TCF12: variants seen among roughly 807,000 people sequenced by gnomAD.
TCF12 encodes the protein DNA-binding protein HTF4.
TCF12 carries 45 observed loss-of-function variants against 86.0 expected under a neutral mutation model. The observed-to-expected ratio is 0.52, with a 90% CI of 0.41 to 0.67. The LOEUF (loss-of-function observed/expected upper bound fraction) is 0.67, where lower values mean the gene tolerates loss of function less well. TCF12 is among the 30% of genes least tolerant of loss of function. The pLI, the probability that TCF12 is intolerant of heterozygous loss-of-function variation, is 0.00. For missense variants in TCF12, 881 were observed against 859.9 expected, an observed-to-expected ratio of 1.02 and a Z score of -0.31; for synonymous variants, 330 against 299.6, an observed-to-expected ratio of 1.10 and a Z score of -1.05.
At chr15:57,077,325 ATATGTGTGTGTGTGTGTG>A (rs72159586) in intron 4 of TCF12, among the ~76,000 whole-genome samples, 44,064 of 126,984 alleles carry the variant, frequency 0.35, 10,937 homozygotes, top group East Asian at 0.59. Context: ...ATATGTATAT[ATATGTGTGTGTGTGTGTG>A]TGTGTGTGTG....
At chr15:57,257,794 C>A (rs1045640901) in intron 16 of TCF12, among the ~76,000 whole-genome samples, 1 of 151,810 alleles carries the variant, frequency 6.6e-6, no homozygotes, top group South Asian at 2.1e-4. Flanking sequence ...GACACAGTAA[C>A]CATTTGGCTG....
chr15:57,282,147 A>G (rs2061719243), intron 19 of TCF12: 1 of 399,348 alleles, frequency 2.5e-6, no homozygotes, highest in Admixed American at 4.2e-5. Flanking sequence ...TGGTAGCCTA[A>G]TAACAACAGC....
At chr15:56,978,095 C>T (rs912187916) in intron 3 of TCF12, among the ~76,000 whole-genome samples, 6 of 152,164 alleles carry the variant, frequency 3.9e-5, no homozygotes, top group Admixed American at 1.3e-4. Context: ...AAAAAGCATG[C>T]ATTTGTCTGT....
At chr15:57,083,481 T>C (rs2048439866) in intron 4 of TCF12, among the ~76,000 whole-genome samples, 1 of 152,106 alleles carries the variant, frequency 6.6e-6, no homozygotes, top group Non-Finnish European at 1.5e-5. Context: ...AATAAACGAC[T>C]GTTTTAGGAA....
At chr15:57,032,546 A>G (rs55886927) in intron 3 of TCF12, among the ~76,000 whole-genome samples, 33,998 of 152,162 alleles carry the variant, frequency 0.22, 3,910 homozygotes, top group Non-Finnish European at 0.24. Context: ...CTCCTGCCTC[A>G]GCCTCCAGAG....
At chr15:57,267,988 A>G (rs1463230776) in intron 18 of TCF12, among the ~76,000 whole-genome samples, 3 of 152,176 alleles carry the variant, frequency 2.0e-5, no homozygotes, top group South Asian at 2.1e-4. Flanking sequence ...TAAAGATACT[A>G]TATCTACTGT....
At chr15:57,092,434 G>A (rs1404356704) in intron 5 of TCF12, among the ~76,000 whole-genome samples, 1 of 152,100 alleles carries the variant, frequency 6.6e-6, no homozygotes, top group Admixed American at 6.6e-5. Context: ...TTCAAGAAGG[G>A]TATGCACTAC....
intron 5 of TCF12, among the ~76,000 whole-genome samples, chr15:57,107,101 A>C (rs1444699759): frequency 6.6e-6 from 1 of 152,258 alleles, no homozygotes; most frequent in Non-Finnish European, 1.5e-5. Flanking sequence ...TAATCCACAC[A>C]GTAATATGCA....
chr15:57,256,288 G>C (rs896084588), intron 16 of TCF12, among the ~76,000 whole-genome samples: 3 of 152,160 alleles, frequency 2.0e-5, no homozygotes, highest in Non-Finnish European at 2.9e-5. Context: ...TCTTATCGTG[G>C]TGGTTCTTTT....
At chr15:56,983,515 A>C (rs1798719468) in intron 3 of TCF12, among the ~76,000 whole-genome samples, 1 of 152,238 alleles carries the variant, frequency 6.6e-6, no homozygotes, top group Admixed American at 6.5e-5. Flanking sequence ...TCTGAATTTT[A>C]AAAACTGTAT....
At chr15:57,266,988 CACT>C (rs1206182903) in intron 18 of TCF12, among the ~76,000 whole-genome samples, 10 of 152,166 alleles carry the variant, frequency 6.6e-5, no homozygotes, top group Non-Finnish European at 8.8e-5. Flanking sequence ...ATGATCATGC[CACT>C]GCATTCTAGC....
At chr15:56,943,907 A>T (rs1376101603) in intron 3 of TCF12, among the ~76,000 whole-genome samples, 1 of 152,142 alleles carries the variant, frequency 6.6e-6, no homozygotes, top group African/African-American at 2.4e-5. Context: ...TTCCAGCGGC[A>T]TGAAGCTGGT....
At chr15:57,111,115 C>G (rs549500914) in intron 5 of TCF12, among the ~76,000 whole-genome samples, 1 of 152,040 alleles carries the variant, frequency 6.6e-6, no homozygotes, top group Non-Finnish European at 1.5e-5. Context: ...TGATCATACT[C>G]TGTTCTAGCT....
rs187316561 is a variant in TCF12 at position 56,973,322 on chromosome 15, G to A, written c.148+52224G>A. 4.3e-4 allele frequency among the ~76,000 whole-genome samples: 65 copies of A among 152,220 alleles called. 1 individual carries two copies. In the South Asian group the frequency reaches 7.5e-3, roughly 17 times the overall value. ...GTATCTGGTAAGAGGTACATACAAA[G>A]CATTGACATCTGAGAAAGTCAGGAG... On this transcript the variant is annotated intron_variant, in intron 3 of 20. Coordinates refer to ENST00000333725, the MANE Select transcript of TCF12 (RefSeq NM_207037.2).
chr15:56,957,699 A>G (rs577353174), intron 3 of TCF12, among the ~76,000 whole-genome samples: 3 of 152,078 alleles, frequency 2.0e-5, no homozygotes, highest in East Asian at 3.9e-4. Flanking sequence ...TTGTCCCTCT[A>G]TATGGTTTAT....
At chr15:57,112,320 C>T (rs2050548760) in intron 5 of TCF12, among the ~76,000 whole-genome samples, 1 of 152,190 alleles carries the variant, frequency 6.6e-6, no homozygotes, top group South Asian at 2.1e-4. Context: ...GAAGCCAAGT[C>T]TCAGGCAGTT....
At chr15:57,030,635 C>T (rs2066111714) in intron 3 of TCF12, among the ~76,000 whole-genome samples, 1 of 152,002 alleles carries the variant, frequency 6.6e-6, no homozygotes, top group South Asian at 2.1e-4. Flanking sequence ...AAAACTATCG[C>T]CCATTGTCTT....
intron 4 of TCF12, among the ~76,000 whole-genome samples, chr15:57,075,762 C>CTT (rs1287777621): frequency 1.8e-5 from 1 of 56,916 alleles, no homozygotes; most frequent in Non-Finnish European, 3.6e-5. Flanking sequence ...GGTTTCTTTT[C>CTT]TTTCTTTCTT....
At chr15:57,080,232 C>T (rs147451105) in intron 4 of TCF12, among the ~76,000 whole-genome samples, 85 of 152,276 alleles carry the variant, frequency 5.6e-4, no homozygotes, top group African/African-American at 1.9e-3. Flanking sequence ...CACAGTTACA[C>T]CTACCTCTCA....
Sources: gnomAD v4.1 joint callset for allele counts (sites outside exome capture counted in the v4.1 genomes callset) on GRCh38, gnomAD v4.1.1 for gene constraint, MANE v1.5 for transcripts, NCBI Gene and HGNC (gene_info 2026-07-23, HGNC 2026-07-21) for gene names.